Variants in MAOB observed in about 807,000 individuals in gnomAD.
MAOB encodes the protein amine oxidase [flavin-containing] B.
MAOB carries 15 observed loss-of-function variants against 41.9 expected under a neutral mutation model. That is an observed-to-expected ratio of 0.36 (90% CI 0.24 to 0.55). MAOB has a LOEUF of 0.55. MAOB is among the 20% of genes least tolerant of loss of function. MAOB has a pLI of 0.86. For synonymous variants in MAOB, 167 were observed against 144.2 expected, an observed-to-expected ratio of 1.16 and a Z score of -1.13; for missense variants, 345 against 398.7, an observed-to-expected ratio of 0.87 and a Z score of 1.15.
rs763212325 is a variant in MAOB at position 43,866,082 on chromosome X, T to C, written c.46+16172A>G. ...GTAGGCCAAGTTCAGGTCTGCAGTG[T>C]TTCTGGGCCATAACCATCATTTCAG... On this transcript the variant is annotated intron_variant, in intron 1 of 14. Coordinates refer to ENST00000378069, the MANE Select transcript of MAOB (RefSeq NM_000898.5). 8.1e-5 allele frequency among the ~76,000 whole-genome samples: 9 copies of C among 110,840 alleles called. No homozygotes were observed. In the South Asian group the frequency reaches 1.9e-3, roughly 24 times the overall value.
intron 3 of MAOB, among the ~76,000 whole-genome samples, chrX:43,806,874 C>T (rs974368941): frequency 1.8e-5 from 2 of 111,394 alleles, no homozygotes; most frequent in African/African-American, 6.5e-5. Flanking sequence ...CTGAGCACTC[C>T]TTCAGGTCGG....
At chrX:43,811,424 C>T (rs2034745316) in intron 3 of MAOB, among the ~76,000 whole-genome samples, 1 of 111,517 alleles carries the variant, frequency 9.0e-6, no homozygotes, top group African/African-American at 3.3e-5. Context: ...GCCCTTCTAA[C>T]TGTTGGGAGC....
intron 1 of MAOB, among the ~76,000 whole-genome samples, chrX:43,846,511 AG>A (rs1349461914): frequency 1.8e-5 from 2 of 111,817 alleles, no homozygotes; most frequent in African/African-American, 6.5e-5. Flanking sequence ...TAATGTTCAT[AG>A]GGGGTAGTCA....
intron 3 of MAOB, among the ~76,000 whole-genome samples, chrX:43,805,573 G>A (rs1040620152): frequency 1.2e-4 from 13 of 111,534 alleles, no homozygotes; most frequent in African/African-American, 3.6e-4. Context: ...TGTATCTGGC[G>A]TCTTTTGCTC....
rs781450685 is a variant in MAOB, at chrX:43,797,156, G to C, written c.587C>G (p.Thr196Arg). The change falls in exon 6 of 15, where the codon ACA becomes AGA. Residue 196 changes from threonine (T) to arginine (R), a missense_variant. Thr to Arg is a moderately conservative substitution (Grantham distance 71). Transcript: ENST00000378069. The part of the protein sequence containing the change: ...LWYVKQCGGT[T>R]RIISTTNGGQ... Reference sequence around the variant, plus strand: ...TCCATTTGTTGTCGAGATGATTCTTGTTGTGCCTCCACACTGCTTCACATA... The same window carrying C: ...TCCATTTGTTGTCGAGATGATTCTTCTTGTGCCTCCACACTGCTTCACATA... The C allele has an allele frequency of 4.1e-6, 5 of 1,206,584 alleles. No homozygotes were observed. The Admixed American group carries it at 6.6e-5, about 16-fold the overall frequency.
chrX:43,856,631 A>G (rs935122287), intron 1 of MAOB, among the ~76,000 whole-genome samples: 2 of 112,028 alleles, frequency 1.8e-5, no homozygotes, highest in African/African-American at 6.5e-5. Flanking sequence ...CATACTTTGT[A>G]TGATATATGT....
At chrX:43,805,848 G>A (rs2034656372) in intron 3 of MAOB, among the ~76,000 whole-genome samples, 1 of 112,098 alleles carries the variant, frequency 8.9e-6, no homozygotes. Flanking sequence ...GTTTAATAGT[G>A]TTCCAAAGTT....
In MAOB at chrX:43,766,613, G is replaced by T. The variant is rs2034115248; in HGVS notation, c.*853C>A. 1 of 111,659 alleles carries T rather than the reference G, an allele frequency of 9.0e-6. No homozygotes were observed. The highest frequency in any genetic ancestry group is 3.3e-5 in the African/African-American group (1 of 30,673). The allele number at this position is 111,659 out of a possible 1,213,427, so 9.2% of individuals were successfully genotyped here. A position where few individuals can be genotyped will look rare whatever the true frequency, so the allele number is the denominator to read the frequency against. On this transcript the variant is annotated 3_prime_UTR_variant, in exon 15 of 15. Transcript: ENST00000378069. ...CCCAAAAAGAAAGGACAGCAGATAT[G>T]GTCAATCAACTTTTATTTTTAATTA...
At chrX:43,806,329 AT>A (rs2034661519) in intron 3 of MAOB, among the ~76,000 whole-genome samples, 2 of 111,636 alleles carry the variant, frequency 1.8e-5, no homozygotes, top group African/African-American at 6.5e-5. Context: ...GTAGTCCCTT[AT>A]TTTTCATAAC....
intron 1 of MAOB, among the ~76,000 whole-genome samples, chrX:43,870,443 C>T (rs2035394804): frequency 9.0e-6 from 1 of 110,999 alleles, no homozygotes; most frequent in South Asian, 3.9e-4. Context: ...AGTGCTTATC[C>T]AGAACTGATG....
intron 12 of MAOB, among the ~76,000 whole-genome samples, chrX:43,773,554 C>T (rs1016611233): frequency 3.6e-5 from 4 of 112,559 alleles, no homozygotes; most frequent in Non-Finnish European, 7.5e-5. Flanking sequence ...ACATATTCTA[C>T]ACTCAGTGAT....
intron 1 of MAOB, among the ~76,000 whole-genome samples, chrX:43,876,017 G>A (rs1245396253): frequency 1.8e-5 from 2 of 111,390 alleles, no homozygotes; most frequent in African/African-American, 6.5e-5. Flanking sequence ...GGAGGGCAGT[G>A]GCACAATCTC....
intron 11 of MAOB, among the ~76,000 whole-genome samples, chrX:43,778,344 C>T (rs1394997817): frequency 9.0e-6 from 1 of 110,878 alleles, no homozygotes; most frequent in East Asian, 2.8e-4. Flanking sequence ...TAGGATCTTC[C>T]TATGGGTAGT....
intron 2 of MAOB, among the ~76,000 whole-genome samples, chrX:43,841,352 T>TA (rs886864116): frequency 9.0e-6 from 1 of 111,452 alleles, no homozygotes; most frequent in African/African-American, 3.3e-5. Context: ...ATAATTCTTT[T>TA]AAAAAAATAA....
At chrX:43,880,578 TTCC>T (rs2035466952) in intron 1 of MAOB, among the ~76,000 whole-genome samples, 1 of 112,573 alleles carries the variant, frequency 8.9e-6, no homozygotes, top group South Asian at 3.6e-4. Context: ...ACAATGCCTA[TTCC>T]GTGGAATGTT....
At chrX:43,826,778 C>A (rs1569223653) in intron 3 of MAOB, among the ~76,000 whole-genome samples, 1 of 111,275 alleles carries the variant, frequency 9.0e-6, no homozygotes, top group Non-Finnish European at 1.9e-5. Flanking sequence ...CCACAATTAA[C>A]TAACCCACTC....
intron 1 of MAOB, among the ~76,000 whole-genome samples, chrX:43,866,822 C>T (rs939649533): frequency 4.4e-5 from 5 of 112,549 alleles, no homozygotes; most frequent in African/African-American, 9.7e-5. Context: ...CAGTGGTCCA[C>T]GTGAGGAACA....
At chrX:43,803,472 T>C (rs1319802252) in intron 3 of MAOB, 68 bp from the exon 4 acceptor site, 8 of 1,120,368 alleles carry the variant, frequency 7.1e-6, no homozygotes, top group South Asian at 7.0e-5. Flanking sequence ...ATCTGCCAAA[T>C]TGGTAAATGT....
chrX:43,822,193 T>C (rs1465579177), intron 3 of MAOB, among the ~76,000 whole-genome samples: 2 of 112,659 alleles, frequency 1.8e-5, no homozygotes, highest in African/African-American at 6.4e-5. Flanking sequence ...TTGGGAGAAG[T>C]GTTCACTTTC....
Sources: gnomAD v4.1 joint callset for allele counts (sites outside exome capture counted in the v4.1 genomes callset) on GRCh38, gnomAD v4.1.1 for gene constraint, MANE v1.5 for transcripts, NCBI Gene and HGNC (gene_info 2026-07-23, HGNC 2026-07-21) for gene names.